The following FMNL2 variants were observed in gnomAD, a reference collection of about 807,000 sequenced individuals.
FMNL2 encodes the protein formin like 2, also known as formin-like protein 2.
FMNL2 carries 51 observed loss-of-function variants against 130.2 expected under a neutral mutation model. The ratio of observed to expected loss-of-function variants is 0.39; its 90% CI spans 0.31 to 0.49. The LOEUF is 0.49. Ranked by LOEUF, FMNL2 falls within the 20% of genes least tolerant of loss-of-function variation. The probability of loss-of-function intolerance (pLI) is 0.85; values close to 1 mark genes in which losing one functional copy is unlikely to be tolerated. For missense variants in FMNL2, 977 were observed against 1,316.2 expected (o/e 0.74, Z 3.99); for synonymous variants, 465 against 467.1 (o/e 1.00, Z 0.06).
intron 9 of FMNL2, among the ~76,000 whole-genome samples, chr2:152,595,341 G>A (rs1697703275): frequency 6.6e-6 from 1 of 152,038 alleles, no homozygotes; most frequent in African/African-American, 2.4e-5. Flanking sequence ...TGCTTTTGAG[G>A]CAGAGTCTTG....
At chr2:152,526,279 T>C (rs1693381726) in intron 2 of FMNL2, among the ~76,000 whole-genome samples, 1 of 152,154 alleles carries the variant, frequency 6.6e-6, no homozygotes, top group Non-Finnish European at 1.5e-5. Context: ...ATTTTGATGT[T>C]GGTGGCTGCT....
At chr2:152,646,170 AC>A (rs1217068994) in intron 25 of FMNL2, among the ~76,000 whole-genome samples, 67 of 132,006 alleles carry the variant, frequency 5.1e-4, no homozygotes, top group Middle Eastern at 3.8e-3. Context: ...AAAAAAAAAA[AC>A]AAACAAACAA....
At chr2:152,368,433 G>A (rs975036429) in intron 1 of FMNL2, among the ~76,000 whole-genome samples, 3 of 151,230 alleles carry the variant, frequency 2.0e-5, no homozygotes, top group African/African-American at 7.3e-5. Context: ...AAGATCTAGG[G>A]GCATTTGGCT....
rs761059365 is a variant in FMNL2, at chr2:152,617,067, A to T, written c.1213-24A>T. On this transcript the variant is annotated intron_variant, in intron 12 of 25. Transcript: ENST00000288670. ...GATCAAGATGATCCTGTATTGTGACAGCTTTCTTTTCAAAATTTTACAGTT... is the reference window on the plus strand; with the variant it reads ...GATCAAGATGATCCTGTATTGTGACTGCTTTCTTTTCAAAATTTTACAGTT... 5 of 1,606,094 alleles carry T rather than the reference A, an allele frequency of 3.1e-6. No homozygotes were observed. In the East Asian group the frequency reaches 1.1e-4, roughly 36 times the overall value.
At chr2:152,558,898 C>CT in intron 5 of FMNL2, 75 bp downstream of exon 5, 1 of 1,312,588 alleles carries the variant, frequency 7.6e-7, no homozygotes, top group Admixed American at 1.9e-5. Flanking sequence ...TAAAATTATA[C>CT]ACCACAGAGA....
intron 1 of FMNL2, among the ~76,000 whole-genome samples, chr2:152,363,469 T>C (rs1683298908): frequency 6.6e-6 from 1 of 152,246 alleles, no homozygotes; most frequent in Non-Finnish European, 1.5e-5. Context: ...ATTTATGATC[T>C]CTCTTTCTCG....
At chr2:152,517,214 A>G (rs1460977436) in intron 1 of FMNL2, among the ~76,000 whole-genome samples, 2 of 152,158 alleles carry the variant, frequency 1.3e-5, no homozygotes, top group Non-Finnish European at 2.9e-5. Context: ...AACAGATATT[A>G]TCATGGAATG....
intron 13 of FMNL2, among the ~76,000 whole-genome samples, 181 bp downstream of exon 13, chr2:152,617,373 A>G (rs538147119): frequency 1.3e-5 from 2 of 152,224 alleles, no homozygotes; most frequent in South Asian, 2.1e-4. Flanking sequence ...ATGTATACAC[A>G]TGTGTGTGCA....
chr2:152,443,349 T>C (rs1688164994), intron 1 of FMNL2, among the ~76,000 whole-genome samples: 1 of 151,958 alleles, frequency 6.6e-6, no homozygotes, highest in Non-Finnish European at 1.5e-5. Flanking sequence ...GAACCATCAG[T>C]TTGGGATTGA....
intron 1 of FMNL2, among the ~76,000 whole-genome samples, chr2:152,421,997 A>G (rs1686948509): frequency 6.6e-6 from 1 of 152,308 alleles, no homozygotes; most frequent in East Asian, 1.9e-4. Context: ...TGATGAGGAA[A>G]CCGGTGTGGA....
In FMNL2 at chr2:152,411,165, A is replaced by G. The variant is rs777851610; in HGVS notation, c.117+75445A>G. The stretch of plus-strand genomic sequence containing the variant: ...TTTCCTAAGGGATAGTCAGCTAAAT[A>G]TGCTGTCCTGAGAGAATTTGACAGA... On this transcript the variant is annotated intron_variant, in intron 1 of 25. Transcript: ENST00000288670. Among the ~76,000 whole-genome samples, 18 of 152,348 alleles carry G rather than the reference A, an allele frequency of 1.2e-4. No homozygotes were observed. The South Asian group carries it at 1.9e-3, about 16-fold the overall frequency.
intron 10 of FMNL2, 165 bp downstream of exon 10, chr2:152,607,578 TC>T (rs1698443583): frequency 3.6e-6 from 2 of 563,084 alleles, no homozygotes; most frequent in Non-Finnish European, 6.4e-6. Flanking sequence ...TCCCTCTTAA[TC>T]TGTATTTCTC....
At chr2:152,548,270 A>G (rs1387676856) in intron 3 of FMNL2, among the ~76,000 whole-genome samples, 9 of 152,216 alleles carry the variant, frequency 5.9e-5, no homozygotes, top group African/African-American at 1.9e-4. Flanking sequence ...TGAGACTGCT[A>G]TGCTTAGCAA....
At chr2:152,624,066 C>T (rs1467606379) in intron 15 of FMNL2, among the ~76,000 whole-genome samples, 17 of 2,966 alleles carry the variant, frequency 5.7e-3, no homozygotes, top group African/African-American at 0.011. Context: ...CTCCCCTCCC[C>T]TCCCCTCCAC....
intron 11 of FMNL2, among the ~76,000 whole-genome samples, 198 bp from the exon 12 acceptor site, chr2:152,614,653 G>T (rs1580101784): frequency 6.6e-6 from 1 of 152,186 alleles, no homozygotes; most frequent in Non-Finnish European, 1.5e-5. Context: ...TGAGACACGA[G>T]AATCGCTTGA....
chr2:152,632,062 A>G lies in FMNL2; in HGVS notation c.2605A>G (p.Asn869Asp). Residue 869 changes from asparagine to aspartate, a missense_variant, in exon 21 of 26, where the codon AAT (asparagine) becomes GAT (aspartate). By Grantham distance (23) the Asn-to-Asp change is conservative (BLOSUM62 1). This residue lies in a region of FMNL2 where 689 missense variants were observed against 995.9 expected (regional missense o/e 0.69). Transcript: ENST00000288670. ...RKQTLLHYIS[N>D]VVKEKYHQVS... is the part of the protein sequence containing the mutation. Reference sequence around the variant, plus strand: ...GCAAACACTGTTGCACTATATATCCAATGTGGTGAAAGAAAAATATCACCA... The same window carrying G: ...GCAAACACTGTTGCACTATATATCCGATGTGGTGAAAGAAAAATATCACCA... 6.2e-7 allele frequency: 1 copy of G among 1,613,446 alleles called. No individual in the cohort carries two copies. Among genetic ancestry groups the G allele is most frequent in the Non-Finnish European group, 8.5e-7 (1 of 1,179,608 alleles).
chr2:152,532,083 T>C (rs1693730434), intron 2 of FMNL2, among the ~76,000 whole-genome samples: 1 of 152,218 alleles, frequency 6.6e-6, no homozygotes. Flanking sequence ...ATGAATGATA[T>C]GTTTTTGAAA....
chr2:152,528,851 A>G (rs1011406763), intron 2 of FMNL2, among the ~76,000 whole-genome samples: 3 of 152,076 alleles, frequency 2.0e-5, no homozygotes, highest in African/African-American at 7.2e-5. Flanking sequence ...AGGTGAGGCT[A>G]TTTTCAACAC....
chr2:152,600,664 T>G (rs561521441), intron 9 of FMNL2, among the ~76,000 whole-genome samples: 29 of 152,156 alleles, frequency 1.9e-4, no homozygotes, highest in Non-Finnish European at 3.5e-4. Flanking sequence ...GGGTCCCAGA[T>G]TGATCCAAAT....
Sources: allele counts gnomAD v4.1 joint callset (sites outside exome capture counted in the v4.1 genomes callset), GRCh38; gene constraint gnomAD v4.1.1; regional missense constraint gnomAD v4.1.1; transcripts MANE v1.5; gene names NCBI Gene and HGNC (gene_info 2026-07-23, HGNC 2026-07-21).